The following POLD3 variants were observed in gnomAD, a reference collection of about 807,000 sequenced individuals.
The protein encoded by POLD3 is DNA polymerase delta 3, accessory subunit, also known as DNA polymerase delta subunit 3.
A neutral mutation model predicts 58.2 loss-of-function variants in POLD3; 19 were observed. The ratio of observed to expected loss-of-function variants is 0.33; its 90% CI spans 0.23 to 0.48. POLD3 has a LOEUF of 0.48. POLD3 is among the 20% of genes least tolerant of loss of function. The probability of loss-of-function intolerance (pLI) is 0.99; values close to 1 mark genes in which losing one functional copy is unlikely to be tolerated. For synonymous variants in POLD3, 172 were observed against 193.5 expected (o/e 0.89, Z 0.92); for missense variants, 504 against 545.5 (o/e 0.92, Z 0.76).
At chr11:74,662,982 C>G (rs546249948) in intron 4 of POLD3, among the ~76,000 whole-genome samples, 19 of 152,206 alleles carry the variant, frequency 1.2e-4, no homozygotes, top group Non-Finnish European at 2.1e-4. Context: ...CTCTCCCTCC[C>G]CCAACCACAC....
intron 4 of POLD3, among the ~76,000 whole-genome samples, chr11:74,664,735 T>C (rs1321930383): frequency 6.6e-6 from 1 of 152,180 alleles, no homozygotes; most frequent in Non-Finnish European, 1.5e-5. Flanking sequence ...TGGTTTAATA[T>C]CTGAAAAATC....
At chr11:74,631,692 C>T (rs573063699) in intron 9 of POLD3, among the ~76,000 whole-genome samples, 1 of 152,080 alleles carries the variant, frequency 6.6e-6, no homozygotes, top group East Asian at 1.9e-4. Flanking sequence ...CCATGTTGGC[C>T]ACGCTGGTCT....
intron 4 of POLD3, among the ~76,000 whole-genome samples, chr11:74,663,024 A>G (rs1290868598): frequency 6.6e-6 from 1 of 152,164 alleles, no homozygotes; most frequent in African/African-American, 2.4e-5. Flanking sequence ...CTGCAAGGGG[A>G]TGAGGGAGGG....
intron 4 of POLD3, among the ~76,000 whole-genome samples, chr11:74,653,519 T>C (rs1314585567): frequency 6.6e-6 from 1 of 152,158 alleles, no homozygotes; most frequent in African/African-American, 2.4e-5. Flanking sequence ...ATTGTAAACC[T>C]GAGAGCAACC....
rs11307602 is a variant in POLD3 at position 74,620,924 on chromosome 11, C to CT, written c.733+849dup. Among the ~76,000 whole-genome samples, 537 of 143,594 alleles carry CT rather than the reference C, an allele frequency of 3.7e-3. 1 individual carries two copies. The highest frequency in any genetic ancestry group is 6.0e-3 in the African/African-American group (237 of 39,796). The allele number at this position is 143,594 out of a possible 152,430, so 94.2% of individuals were successfully genotyped here. The stretch of plus-strand genomic sequence containing the variant: ...GTGGTCACGGGAGGGATTGAAGTGA[C>CT]TTTTTTTTTTTTTTCATATTCTGCT... On this transcript the variant is annotated intron_variant, in intron 7 of 11. Coordinates refer to ENST00000263681, the MANE Select transcript of POLD3 (RefSeq NM_006591.3).
intron 4 of POLD3, chr11:74,652,586 T>C (rs926193748): frequency 6.6e-6 from 1 of 152,214 alleles, no homozygotes; most frequent in African/African-American, 2.4e-5. Context: ...ATAGAGATAG[T>C]GCCCAAAGGA....
chr11:74,664,969 A>T (rs1403392309), intron 4 of POLD3, among the ~76,000 whole-genome samples: 1 of 151,526 alleles, frequency 6.6e-6, no homozygotes, highest in Non-Finnish European at 1.5e-5. Context: ...ACATGGTAGC[A>T]CATGCCTGTA....
chr11:74,597,614 C>G (rs2031322848), intron 2 of POLD3, among the ~76,000 whole-genome samples: 1 of 152,210 alleles, frequency 6.6e-6, no homozygotes, highest in African/African-American at 2.4e-5. Context: ...GCGCATGCCA[C>G]CACACTTGGT....
intron 3 of POLD3, among the ~76,000 whole-genome samples, chr11:74,607,264 T>A (rs1293461148): frequency 2.3e-4 from 30 of 133,300 alleles, no homozygotes; most frequent in Middle Eastern, 4.5e-3. Flanking sequence ...ATTTATTTAT[T>A]TATTTATTTA....
intron 2 of POLD3, among the ~76,000 whole-genome samples, chr11:74,596,123 T>C (rs1403885083): frequency 6.6e-6 from 1 of 150,558 alleles, no homozygotes; most frequent in Non-Finnish European, 1.5e-5. Context: ...CACCTTGGCC[T>C]CCCAAAATGC....
intron 4 of POLD3, among the ~76,000 whole-genome samples, chr11:74,612,589 G>T (rs1227229994): frequency 2.0e-5 from 3 of 152,144 alleles, no homozygotes; most frequent in Non-Finnish European, 4.4e-5. Flanking sequence ...AAAAGAAAAA[G>T]ATCATCGTAG....
intron 5 of POLD3, among the ~76,000 whole-genome samples, chr11:74,618,090 C>T (rs1331966941): frequency 3.2e-5 from 4 of 125,480 alleles, no homozygotes; most frequent in Non-Finnish European, 6.5e-5. Context: ...AGTTTTGATT[C>T]AGTCAATATT....
Position 74,641,833 on chromosome 11 carries a change from C to T in POLD3, c.*1067C>T, listed in dbSNP as rs944227074. On this transcript the variant is annotated 3_prime_UTR_variant, in exon 12 of 12. Coordinates refer to ENST00000263681, the MANE Select transcript of POLD3 (RefSeq NM_006591.3). ...CCTATTTGCTTAAAAGTACAGGCTC[C>T]CTAAGAGAGGATGGAGAGGGAGAGA... is the stretch of plus-strand genomic sequence containing the variant. 1.0e-5 allele frequency: 10 copies of T among 985,116 alleles called. No individual in the cohort carries two copies. The highest frequency in any genetic ancestry group is 1.2e-5 in the Non-Finnish European group (10 of 829,858). The allele number at this position is 985,116 out of a possible 1,614,324, so 61.0% of individuals were successfully genotyped here. A position where few individuals can be genotyped will look rare whatever the true frequency, so the allele number is the denominator to read the frequency against.
rs796129315 is a variant in POLD3, at chr11:74,636,665, C to CT, written c.1198+400dup. ...AGATGTTATCATAGACATTGAGAAGCTTTTTTTTTTCTAGAATATTTGTTT... is the reference window on the plus strand; with the variant it reads ...AGATGTTATCATAGACATTGAGAAGCTTTTTTTTTTTCTAGAATATTTGTTT... On this transcript the variant is annotated intron_variant, in intron 11 of 11. Coordinates refer to ENST00000263681, the MANE Select transcript of POLD3 (RefSeq NM_006591.3). Among the ~76,000 whole-genome samples the CT allele has an allele frequency of 3.1e-3, 464 of 149,238 alleles. 3 individuals carry two copies. Among genetic ancestry groups the CT allele is most frequent in the African/African-American group, 9.9e-3 (404 of 40,716 alleles).
At chr11:74,622,990 TG>T (rs1454795061) in intron 7 of POLD3, among the ~76,000 whole-genome samples, 1 of 152,218 alleles carries the variant, frequency 6.6e-6, no homozygotes, top group Non-Finnish European at 1.5e-5. Flanking sequence ...GACAATGAAA[TG>T]TTATTCAGCT....
intron 8 of POLD3, chr11:74,628,926 C>A: frequency 4.3e-6 from 1 of 231,328 alleles, no homozygotes; most frequent in Non-Finnish European, 8.4e-6. Flanking sequence ...ATTGAAAGGC[C>A]AATCAGGGAA....
At chr11:74,622,125 G>T (rs543453450) in intron 7 of POLD3, among the ~76,000 whole-genome samples, 2 of 151,372 alleles carry the variant, frequency 1.3e-5, no homozygotes, top group Non-Finnish European at 2.9e-5. Context: ...GCGGTGTTTG[G>T]TTTTTTGTTC....
chr11:74,638,549 A>G, intron 11 of POLD3: 1 of 449,964 alleles, frequency 2.2e-6, no homozygotes, highest in South Asian at 1.6e-5. Flanking sequence ...GGCTCTTCAG[A>G]CTTTTCTAAT....
At chr11:74,651,210 C>G (rs1182945266) in intron 4 of POLD3, among the ~76,000 whole-genome samples, 1 of 152,020 alleles carries the variant, frequency 6.6e-6, no homozygotes, top group East Asian at 1.9e-4. Context: ...ACATAGTAGG[C>G]TCTTAGAAAA....
Sources: allele counts gnomAD v4.1 joint callset (sites outside exome capture counted in the v4.1 genomes callset), GRCh38; gene constraint gnomAD v4.1.1; transcripts MANE v1.5; gene names NCBI Gene and HGNC (gene_info 2026-07-23, HGNC 2026-07-21).